Variants in IQCM observed in about 807,000 individuals in gnomAD.
IQCM encodes the protein IQ domain-containing protein M.
Under a neutral mutation model 57.6 loss-of-function variants are expected in IQCM, and 45 were observed. That is an observed-to-expected ratio of 0.78 (90% CI 0.62 to 1.00). IQCM has a LOEUF of 1.00. Among genes scored for constraint, IQCM ranks in the 50% least tolerant of loss-of-function variants. The probability of loss-of-function intolerance (pLI) is 0.00; values close to 1 mark genes in which losing one functional copy is unlikely to be tolerated. For synonymous variants in IQCM, 148 were observed against 158.9 expected (o/e 0.93, Z 0.51); for missense variants, 468 against 511.6 (o/e 0.91, Z 0.82).
intron 2 of IQCM, among the ~76,000 whole-genome samples, chr4:149,749,208 A>G (rs1298572912): frequency 1.3e-5 from 2 of 152,168 alleles, no homozygotes; most frequent in Non-Finnish European, 2.9e-5. Flanking sequence ...CAGACTCCCA[A>G]CAGAAAGGCT....
At chr4:149,354,621 TTATAA>T (rs1412578337) in intron 13 of IQCM, among the ~76,000 whole-genome samples, 4 of 152,084 alleles carry the variant, frequency 2.6e-5, no homozygotes, top group East Asian at 3.9e-4. Context: ...CAAGAGATAC[TTATAA>T]TATAACATTA....
At chr4:149,652,909 G>T (rs1050621924) in intron 7 of IQCM, among the ~76,000 whole-genome samples, 2 of 152,112 alleles carry the variant, frequency 1.3e-5, no homozygotes, top group African/African-American at 4.8e-5. Context: ...GCCACAGTAG[G>T]ATGCTCACCA....
At chr4:149,573,814 G>T (rs1751389632) in intron 9 of IQCM, among the ~76,000 whole-genome samples, 1 of 151,628 alleles carries the variant, frequency 6.6e-6, no homozygotes, top group African/African-American at 2.4e-5. Context: ...TTTGTTGGAT[G>T]ATTATTATTC....
At chr4:149,672,076 A>G (rs1464349316) in intron 7 of IQCM, among the ~76,000 whole-genome samples, 1 of 152,142 alleles carries the variant, frequency 6.6e-6, no homozygotes, top group African/African-American at 2.4e-5. Context: ...TAGAAGGAAA[A>G]CTAACAAACA....
chr4:149,400,547 A>G lies in IQCM; in HGVS notation c.1390+32849T>C, dbSNP rs7690490. Among the ~76,000 whole-genome samples the G allele has an allele frequency of 5.4e-3, 824 of 152,200 alleles. 9 individuals are homozygous for G. Among genetic ancestry groups the G allele is most frequent in the African/African-American group, 0.019 (782 of 41,578 alleles). On this transcript the variant is annotated intron_variant, in intron 13 of 13. Transcript: ENST00000636793. Reference sequence around the variant, plus strand: ...TAGAAATCAAAATAAAAATCTTAACATAATGTTTTTGTTTTAAATTCAATT... The same window carrying G: ...TAGAAATCAAAATAAAAATCTTAACGTAATGTTTTTGTTTTAAATTCAATT...
chr4:149,745,240 A>G (rs1472596953), intron 2 of IQCM, among the ~76,000 whole-genome samples: 2 of 152,190 alleles, frequency 1.3e-5, no homozygotes, highest in Non-Finnish European at 1.5e-5. Context: ...GTTTGATTTT[A>G]GCAGAGGGCT....
At chr4:149,376,073 C>T (rs1730682095) in intron 13 of IQCM, among the ~76,000 whole-genome samples, 1 of 152,070 alleles carries the variant, frequency 6.6e-6, no homozygotes, top group African/African-American at 2.4e-5. Flanking sequence ...AAAGAAGAAT[C>T]AGGTGAAAAA....
At chr4:149,406,539 T>C (rs575057260) in intron 13 of IQCM, among the ~76,000 whole-genome samples, 235 of 152,256 alleles carry the variant, frequency 1.5e-3, no homozygotes, top group African/African-American at 5.4e-3. Flanking sequence ...CAGAGTGCTC[T>C]GTAAGGAGGC....
intron 3 of IQCM, among the ~76,000 whole-genome samples, chr4:149,736,879 T>C (rs1336527252): frequency 2.6e-5 from 4 of 152,218 alleles, no homozygotes; most frequent in African/African-American, 9.6e-5. Flanking sequence ...ACAAAAGATT[T>C]GTACAAAAAT....
At chr4:149,688,340 C>G (rs1359147008) in intron 5 of IQCM, among the ~76,000 whole-genome samples, 1 of 151,814 alleles carries the variant, frequency 6.6e-6, no homozygotes, top group Non-Finnish European at 1.5e-5. Context: ...AAAAACTCAA[C>G]CCCTTTTACA....
chr4:149,812,235 T>C (rs1257486998), intron 2 of IQCM, among the ~76,000 whole-genome samples: 3 of 152,190 alleles, frequency 2.0e-5, no homozygotes, highest in Non-Finnish European at 4.4e-5. Context: ...AGAGTCATCC[T>C]TAAACACCAA....
chr4:149,725,260 A>G (rs2149866652), intron 5 of IQCM, among the ~76,000 whole-genome samples: 1 of 152,276 alleles, frequency 6.6e-6, no homozygotes, highest in East Asian at 1.9e-4. Flanking sequence ...CAGAAACTAC[A>G]TACTCTAAAC....
At chr4:149,380,584 G>A (rs1296740914) in intron 13 of IQCM, among the ~76,000 whole-genome samples, 1 of 152,146 alleles carries the variant, frequency 6.6e-6, no homozygotes, top group East Asian at 1.9e-4. Context: ...TCTTTCGGAA[G>A]AAGAGGGTCA....
intron 7 of IQCM, among the ~76,000 whole-genome samples, chr4:149,674,363 A>G (rs1447349788): frequency 3.3e-5 from 5 of 152,170 alleles, no homozygotes; most frequent in Admixed American, 6.6e-5. Context: ...ACATTATTCT[A>G]AAGGATTTAG....
intron 12 of IQCM, among the ~76,000 whole-genome samples, chr4:149,515,113 C>T (rs1451058112): frequency 2.6e-5 from 2 of 78,156 alleles, no homozygotes; most frequent in African/African-American, 4.0e-5. Flanking sequence ...TGTGTGCAGG[C>T]GCCCATAGGT....
intron 7 of IQCM, among the ~76,000 whole-genome samples, chr4:149,676,626 A>C (rs1761771725): frequency 6.6e-6 from 1 of 152,104 alleles, no homozygotes; most frequent in Non-Finnish European, 1.5e-5. Context: ...CAAAGCCAGA[A>C]TTCTAACCTA....
In IQCM at chr4:149,420,076, T is replaced by C. The variant is rs372205441; in HGVS notation, c.1390+13320A>G. The stretch of plus-strand genomic sequence containing the variant: ...AAATTAGTTCAACCATTGTGAAAGA[T>C]GGTGTGACAATTCTTCAAAGATCTA... On this transcript the variant is annotated intron_variant, in intron 13 of 13. Coordinates refer to ENST00000636793, the MANE Select transcript of IQCM (RefSeq NM_001363507.2). Among the ~76,000 whole-genome samples the C allele has an allele frequency of 7.9e-5, 12 of 152,120 alleles. 1 individual carries two copies. The East Asian group carries it at 1.9e-3, about 25-fold the overall frequency.
intron 6 of IQCM, among the ~76,000 whole-genome samples, chr4:149,684,918 G>T (rs960080422): frequency 3.3e-5 from 5 of 151,484 alleles, no homozygotes; most frequent in Admixed American, 3.3e-4. Context: ...GCCCTGAGCT[G>T]TCACTGGAAG....
At chr4:149,486,718 C>T (rs1420133652) in intron 12 of IQCM, among the ~76,000 whole-genome samples, 3 of 152,156 alleles carry the variant, frequency 2.0e-5, no homozygotes, top group African/African-American at 4.8e-5. Context: ...TGCACTCCAG[C>T]CTAGGTGACA....
Sources: gnomAD v4.1 joint callset for allele counts (sites outside exome capture counted in the v4.1 genomes callset) on GRCh38, gnomAD v4.1.1 for gene constraint, MANE v1.5 for transcripts, NCBI Gene and HGNC (gene_info 2026-07-23, HGNC 2026-07-21) for gene names.